VDAC1: variants seen among roughly 807,000 people sequenced by gnomAD.
The protein encoded by VDAC1 is non-selective voltage-gated ion channel VDAC1.
Under a neutral mutation model 34.7 loss-of-function variants are expected in VDAC1, and 10 were observed. The observed-to-expected ratio is 0.29, with a 90% CI of 0.18 to 0.49. VDAC1 has a LOEUF of 0.49. Ranked by LOEUF, VDAC1 falls within the 20% of genes least tolerant of loss-of-function variation. The pLI, the probability that VDAC1 is intolerant of heterozygous loss-of-function variation, is 0.99. For missense variants in VDAC1, 230 were observed against 347.9 expected (o/e 0.66, Z 2.69); for synonymous variants, 130 against 136.0 (o/e 0.96, Z 0.30).
intron 5 of VDAC1, among the ~76,000 whole-genome samples, chr5:133,989,956 C>A (rs923072621): frequency 1.3e-5 from 2 of 152,240 alleles, no homozygotes; most frequent in African/African-American, 4.8e-5. Context: ...GCCACCACGC[C>A]CGGCCCACAA....
chr5:134,090,774 C>T, the VDAC1 span, among the ~76,000 whole-genome samples: 2 of 152,240 alleles, frequency 1.3e-5, no homozygotes, highest in African/African-American at 4.8e-5. Flanking sequence ...CAACCTTCTA[C>T]TTCCTTCAGG....
chr5:134,086,861 C>T, the VDAC1 span, among the ~76,000 whole-genome samples: 1 of 152,134 alleles, frequency 6.6e-6, no homozygotes, highest in Non-Finnish European at 1.5e-5. Flanking sequence ...ATGGTGAGCA[C>T]AAGGTACAGT....
At chr5:133,999,966 G>C (rs1260956497) in intron 1 of VDAC1, among the ~76,000 whole-genome samples, 1 of 152,024 alleles carries the variant, frequency 6.6e-6, no homozygotes, top group African/African-American at 2.4e-5. Flanking sequence ...TATAGGAGGG[G>C]TATCAGACCA....
At chr5:134,059,454 G>A in the VDAC1 span, among the ~76,000 whole-genome samples, 1 of 152,108 alleles carries the variant, frequency 6.6e-6, no homozygotes, top group Non-Finnish European at 1.5e-5. Flanking sequence ...GTAGGCAGTG[G>A]CCCCAGGGAA....
chr5:134,098,858 G>A, the VDAC1 span, among the ~76,000 whole-genome samples: 4 of 152,174 alleles, frequency 2.6e-5, no homozygotes, highest in African/African-American at 4.8e-5. Context: ...TCCACAATGG[G>A]TAGGAAAACA....
the VDAC1 span, among the ~76,000 whole-genome samples, chr5:134,111,507 C>T: frequency 1.3e-5 from 2 of 152,100 alleles, no homozygotes; most frequent in Non-Finnish European, 2.9e-5. Flanking sequence ...GAGCCAATTC[C>T]CAGAACAGGT....
At chr5:134,007,252 A>AG (rs1241111667), upstream of VDAC1, among the ~76,000 whole-genome samples, 1 of 151,066 alleles carries the variant, frequency 6.6e-6, no homozygotes, top group African/African-American at 2.4e-5. Context: ...CAAAAAAAAA[A>AG]AAAAAGAAAA....
the VDAC1 span, among the ~76,000 whole-genome samples, chr5:134,031,676 G>T: frequency 6.6e-6 from 1 of 152,176 alleles, no homozygotes; most frequent in Non-Finnish European, 1.5e-5. Context: ...ATTAGGCCAG[G>T]CGCAGTGGCT....
chr5:134,006,756 AAAAAC>A (rs1262752465), upstream of VDAC1, among the ~76,000 whole-genome samples: 49 of 138,310 alleles, frequency 3.5e-4, 1 homozygote, highest in East Asian at 9.0e-3. Flanking sequence ...CCCAAAAAAA[AAAAAC>A]AAAAAAAAAC....
At chr5:134,092,022 T>C in the VDAC1 span, among the ~76,000 whole-genome samples, 2 of 152,250 alleles carry the variant, frequency 1.3e-5, no homozygotes, top group African/African-American at 4.8e-5. Context: ...CGCCACTCTC[T>C]GCTCGTTGCT....
the VDAC1 span, among the ~76,000 whole-genome samples, chr5:134,093,964 C>G: frequency 1.3e-5 from 2 of 152,218 alleles, no homozygotes; most frequent in Non-Finnish European, 2.9e-5. Flanking sequence ...AGTCTCCTGT[C>G]TGCCTCATCT....
the VDAC1 span, among the ~76,000 whole-genome samples, chr5:134,069,467 A>G: frequency 2.0e-5 from 3 of 152,158 alleles, no homozygotes; most frequent in Non-Finnish European, 4.4e-5. Context: ...TCTCTCCCAT[A>G]GCCAGCTGAT....
At chr5:133,997,725 A>T (rs1753378932) in intron 1 of VDAC1, among the ~76,000 whole-genome samples, 1 of 150,532 alleles carries the variant, frequency 6.6e-6, no homozygotes, top group Non-Finnish European at 1.5e-5. Flanking sequence ...AAAAAAAAAA[A>T]AAAAGAATAA....
the VDAC1 span, among the ~76,000 whole-genome samples, chr5:134,071,317 G>A: frequency 6.6e-6 from 1 of 152,230 alleles, no homozygotes; most frequent in Non-Finnish European, 1.5e-5. The surrounding 1 kb of genome is among the most constrained non-coding windows in gnomAD (Gnocchi z 4.1). Flanking sequence ...AAAGCGCCGC[G>A]TGTAGGGCGG....
At chr5:134,111,080 G>A in the VDAC1 span, among the ~76,000 whole-genome samples, 1 of 152,208 alleles carries the variant, frequency 6.6e-6, no homozygotes, top group African/African-American at 2.4e-5. Context: ...CACTCCAACA[G>A]AGCAGGGCAG....
chr5:134,012,768 AAG>A, the VDAC1 span, among the ~76,000 whole-genome samples: 1 of 152,188 alleles, frequency 6.6e-6, no homozygotes, highest in African/African-American at 2.4e-5. Context: ...AAACAAAAAA[AAG>A]AGCCAGAATA....
At chr5:134,044,680 T>C in the VDAC1 span, among the ~76,000 whole-genome samples, 6 of 152,200 alleles carry the variant, frequency 3.9e-5, no homozygotes, top group Non-Finnish European at 7.4e-5. Context: ...CGCACAGGTA[T>C]GTAAGTGCTT....
chr5:134,073,060 AG>A, the VDAC1 span, among the ~76,000 whole-genome samples: 1 of 152,222 alleles, frequency 6.6e-6, no homozygotes, highest in Non-Finnish European at 1.5e-5. Context: ...TCAAGAGTCA[AG>A]AGGTCCTAGG....
intron 5 of VDAC1, among the ~76,000 whole-genome samples, chr5:133,988,170 T>C (rs1752972053): frequency 6.6e-6 from 1 of 152,156 alleles, no homozygotes; most frequent in Non-Finnish European, 1.5e-5. Context: ...CTGATTCTGA[T>C]CATTATAGTT....
Sources: gnomAD v4.1 joint callset for allele counts (sites outside exome capture counted in the v4.1 genomes callset) on GRCh38, gnomAD v4.1.1 for gene constraint, Gnocchi (gnomAD v3.1) non-coding constraint, MANE v1.5 for transcripts, NCBI Gene and HGNC (gene_info 2026-07-23, HGNC 2026-07-21) for gene names.